Variants in AATK observed in about 807,000 individuals in gnomAD.
AATK encodes the protein serine/threonine-protein kinase LMTK1.
In AATK, 91 loss-of-function variants were observed where a neutral mutation model predicts 114.3. That is an observed-to-expected ratio of 0.80 (90% confidence interval 0.67 to 0.95). The LOEUF (loss-of-function observed/expected upper bound fraction) is 0.95. Ranked by LOEUF, AATK falls within the 40% of genes least tolerant of loss-of-function variation. The pLI, the probability that AATK is intolerant of heterozygous loss-of-function variation, is 0.00. For missense variants in AATK, 2,176 were observed against 1,965.2 expected, an observed-to-expected ratio of 1.11 and a Z score of -2.03; for synonymous variants, 1,075 against 916.5, an observed-to-expected ratio of 1.17 and a Z score of -3.12.
intron 4 of AATK, 94 bp from the exon 5 acceptor site, chr17:81,128,004 C>G (rs1486985903): frequency 6.8e-7 from 1 of 1,469,582 alleles, no homozygotes; most frequent in Non-Finnish European, 9.2e-7. Flanking sequence ...ACGCCGGCCC[C>G]CAGGACAGGA....
chr17:81,153,149 C>T (rs2061318683), intron 1 of AATK, among the ~76,000 whole-genome samples: 2 of 152,172 alleles, frequency 1.3e-5, no homozygotes, highest in Admixed American at 1.3e-4. Context: ...GCCTCCATCC[C>T]CACTGATTTT....
At chr17:81,161,756 G>A (rs919966368) in intron 1 of AATK, among the ~76,000 whole-genome samples, 12 of 152,156 alleles carry the variant, frequency 7.9e-5, no homozygotes, top group Non-Finnish European at 1.6e-4. Flanking sequence ...ACCAGCCCAC[G>A]CCAGAACTCT....
At chr17:81,155,583 A>G (rs896757699) in intron 1 of AATK, among the ~76,000 whole-genome samples, 2 of 151,466 alleles carry the variant, frequency 1.3e-5, no homozygotes, top group Admixed American at 6.6e-5. Flanking sequence ...ACAGGGTTTC[A>G]CCATCTTGGC....
In AATK at chr17:81,122,259, G is replaced by C. The variant is rs1231643548; in HGVS notation, c.1677C>G (p.Asp559Glu). 6.7e-7 allele frequency: 1 copy of C among 1,495,006 alleles called. No homozygotes were observed. The highest frequency in any genetic ancestry group is 2.3e-5 in the Admixed American group (1 of 43,784). 92.6% of individuals were successfully genotyped at this position (1,495,006 alleles called of 1,614,324 possible). ...GCAPSPPATA[D>E]QDDDSDGSTA... ...TGCTGCCGTCAGAGTCGTCGTCCTG[G>C]TCCGCGGTGGCAGGTGGACTGGGGG... The change falls in exon 11 of 14, where the codon GAC becomes GAG. Residue 559 changes from aspartate to glutamate, a missense_variant. By Grantham distance (45) the Asp-to-Glu change is conservative. Around this residue, in one of 4 missense-constraint regions of AATK, gnomAD observed 1,701 missense variants for 1,394.7 expected, o/e 1.22. Transcript: ENST00000326724.
intron 1 of AATK, among the ~76,000 whole-genome samples, chr17:81,161,218 G>A (rs928625567): frequency 1.1e-4 from 17 of 152,140 alleles, no homozygotes; most frequent in Non-Finnish European, 1.6e-4. Context: ...AGGAAAGCAC[G>A]GCATGGGCAG....
In AATK at chr17:81,120,508, A is replaced by T; in HGVS notation, c.3428T>A (p.Leu1143His). 6.7e-7 allele frequency: 1 copy of T among 1,490,834 alleles called. No homozygotes were observed. The highest frequency in any genetic ancestry group is 9.0e-7 in the Non-Finnish European group (1 of 1,117,244). The allele number at this position is 1,490,834 out of a possible 1,614,324, so 92.4% of individuals were successfully genotyped here. A position where few individuals can be genotyped will look rare whatever the true frequency, so the allele number is the denominator to read the frequency against. The change falls in exon 11 of 14, where the codon CTC becomes CAC. Residue 1143 changes from leucine to histidine, a missense_variant. This residue lies in a region of AATK where 1,701 missense variants were observed against 1,394.7 expected (regional missense o/e 1.22). Transcript: ENST00000326724. ...MGGPGTPRAP[L>H]RLALPGLPAA... ...AGGGAGGCCGGGCAGAGCCAGGCGG[A>T]GTGGGGCTCTGGGGGTGCCTGGGCC...
At chr17:81,155,966 G>A (rs889237961) in intron 1 of AATK, among the ~76,000 whole-genome samples, 1 of 152,194 alleles carries the variant, frequency 6.6e-6, no homozygotes, top group Non-Finnish European at 1.5e-5. Flanking sequence ...ACAGGTGTGA[G>A]CTCCCCATTT....
chr17:81,126,743 C>T lies in AATK; in HGVS notation c.622-183G>A. The T allele has an allele frequency of 7.1e-7, 1 of 1,417,216 alleles. No homozygotes were observed. Among genetic ancestry groups the T allele is most frequent in the Non-Finnish European group, 9.2e-7 (1 of 1,087,846 alleles). The allele number at this position is 1,417,216 out of a possible 1,614,324, so 87.8% of individuals were successfully genotyped here. ...CAGTTCCTGGAGGGGGGCCGTGTCC[C>T]CCAGGGCTGGGCTGGACTGAAGGCT... On this transcript the variant is annotated intron_variant, in intron 6 of 13. Coordinates refer to ENST00000326724, the MANE Select transcript of AATK (RefSeq NM_001080395.3). This position sits in a 1 kb window ranked among gnomAD's most constrained non-coding sequence, Gnocchi z 5.1.
At chr17:81,165,875 A>C in intron 1 of AATK, 63 bp downstream of exon 1, 1 of 1,546,550 alleles carries the variant, frequency 6.5e-7, no homozygotes, top group Admixed American at 2.0e-5. Flanking sequence ...CGTGGGGCCC[A>C]GGGGCATCAC....
chr17:81,153,331 A>G (rs2061320858), intron 1 of AATK, among the ~76,000 whole-genome samples: 1 of 152,214 alleles, frequency 6.6e-6, no homozygotes, highest in Admixed American at 6.5e-5. Flanking sequence ...AAACCATGAC[A>G]GATTTGGAAT....
Position 81,122,557 on chromosome 17 carries a change from G to T in AATK, c.1379C>A (p.Ala460Glu), listed in dbSNP as rs1417011889. The T allele has an allele frequency of 6.8e-7, 1 of 1,473,050 alleles. No homozygotes were observed. The allele number at this position is 1,473,050 out of a possible 1,614,324, so 91.2% of individuals were successfully genotyped here. ...CACCGTCAGCACGTCGTCGCCGTCC[G>T]CGTGGAAGCCGTCGCCCGCGAACTG... ...LEQFAGDGFH[A>E]DGDDVLTVTE... Residue 460 changes from alanine to glutamate, a missense_variant, in exon 11 of 14, where the codon GCG (alanine) becomes GAG (glutamate). Transcript: ENST00000326724.
chr17:81,152,448 G>T (rs1334701602), intron 1 of AATK, among the ~76,000 whole-genome samples: 1 of 152,102 alleles, frequency 6.6e-6, no homozygotes, highest in Non-Finnish European at 1.5e-5. Context: ...ATCCAGCAGT[G>T]TGACTCGAAC....
intron 1 of AATK, among the ~76,000 whole-genome samples, chr17:81,142,326 G>T (rs1210016675): frequency 6.6e-6 from 1 of 150,876 alleles, no homozygotes; most frequent in African/African-American, 2.4e-5. Context: ...AGGCTGGAGC[G>T]CAGTGGTGCA....
intron 2 of AATK, chr17:81,133,166 C>G (rs996108904): frequency 4.9e-5 from 23 of 469,330 alleles, no homozygotes; most frequent in Admixed American, 1.4e-4. Flanking sequence ...CTTTGCCCCC[C>G]AGGCACGCAG....
At chr17:81,162,556 G>C (rs925856179) in intron 1 of AATK, among the ~76,000 whole-genome samples, 1 of 152,160 alleles carries the variant, frequency 6.6e-6, no homozygotes, top group African/African-American at 2.4e-5. Flanking sequence ...AGCCCCTTGA[G>C]CCCCTGAGTC....
At position 81,121,738 on chromosome 17, in the gene AATK, G is replaced by A. The variant is rs750628893; in HGVS notation, c.2198C>T (p.Ala733Val). 1 of 1,501,446 alleles carries A rather than the reference G, an allele frequency of 6.7e-7. No homozygotes were observed. Among genetic ancestry groups the A allele is most frequent in the Non-Finnish European group, 8.9e-7 (1 of 1,129,016 alleles). The allele number at this position is 1,501,446 out of a possible 1,614,324, so 93.0% of individuals were successfully genotyped here. ...YPGEPLLGLQ[A>V]ASAQEPGCCP... ...GCAGCCTGGCTCCTGGGCAGAGGCT[G>A]CCTGGAGCCCAAGCAGAGGCTCTCC... is the stretch of plus-strand genomic sequence containing the variant. Residue 733 changes from alanine to valine, a missense_variant, in exon 11 of 14, where the codon GCA becomes GTA. Physicochemically the swap from Ala to Val is moderately conservative, Grantham distance 64. This residue lies in a region of AATK where 1,701 missense variants were observed against 1,394.7 expected (regional missense o/e 1.22). Coordinates refer to ENST00000326724, the MANE Select transcript of AATK (RefSeq NM_001080395.3).
chr17:81,129,965 G>C (rs1416688264), intron 3 of AATK, among the ~76,000 whole-genome samples: 1 of 152,244 alleles, frequency 6.6e-6, no homozygotes, highest in East Asian at 1.9e-4. Flanking sequence ...AGGCGTTGAG[G>C]CCTTGGCTCC....
At chr17:81,129,692 C>G (rs949526213) in intron 3 of AATK, among the ~76,000 whole-genome samples, 28 of 152,170 alleles carry the variant, frequency 1.8e-4, no homozygotes, top group African/African-American at 6.0e-4. Flanking sequence ...AGAGGTGGCT[C>G]TGAGAATCTT....
At chr17:81,161,614 C>T (rs1017350247) in intron 1 of AATK, among the ~76,000 whole-genome samples, 1 of 152,144 alleles carries the variant, frequency 6.6e-6, no homozygotes, top group Non-Finnish European at 1.5e-5. Flanking sequence ...CTGGAGCTGC[C>T]GTGACGGCCC....
Sources: gnomAD v4.1 joint callset for allele counts (sites outside exome capture counted in the v4.1 genomes callset) on GRCh38, gnomAD v4.1.1 for gene constraint, gnomAD v4.1.1 regional missense constraint, Gnocchi (gnomAD v3.1) non-coding constraint, MANE v1.5 for transcripts, NCBI Gene and HGNC (gene_info 2026-07-23, HGNC 2026-07-21) for gene names.